The following SIL1 variants were observed in gnomAD, a reference collection of about 807,000 sequenced individuals.
SIL1 encodes the protein SIL1 nucleotide exchange factor, also known as nucleotide exchange factor SIL1.
Under a neutral mutation model 49.1 loss-of-function variants are expected in SIL1, and 40 were observed. The observed-to-expected ratio is 0.81, with a 90% CI of 0.63 to 1.06. SIL1 has a LOEUF of 1.06. Ranked by LOEUF, SIL1 falls within the 50% of genes least tolerant of loss-of-function variation. The probability of loss-of-function intolerance (pLI) is 0.00; values close to 1 mark genes in which losing one functional copy is unlikely to be tolerated. For synonymous variants in SIL1, 253 were observed against 250.8 expected (o/e 1.01, Z -0.08); for missense variants, 500 against 572.6 (o/e 0.87, Z 1.29).
chr5:139,011,098 T>G lies in SIL1; in HGVS notation c.767+10073A>C, dbSNP rs1304674233. ...CTTGCAGTTTGATCTCAGACTGCTG[T>G]GCTAGCAATCAGCGAGATTCCGTGG... On this transcript the variant is annotated intron_variant, in intron 7 of 9. Coordinates refer to ENST00000394817, the MANE Select transcript of SIL1 (RefSeq NM_022464.5). 8.3e-4 allele frequency among the ~76,000 whole-genome samples: 126 copies of G among 151,236 alleles called. 1 individual carries two copies. The highest frequency in any genetic ancestry group is 2.9e-3 in the African/African-American group (120 of 41,200).
chr5:138,995,300 T>C (rs1395804026), intron 7 of SIL1, among the ~76,000 whole-genome samples: 1 of 150,836 alleles, frequency 6.6e-6, no homozygotes, highest in East Asian at 1.9e-4. Context: ...CAGGCTGGAG[T>C]GTAATGGCGT....
intron 1 of SIL1, among the ~76,000 whole-genome samples, chr5:139,161,271 G>A (rs1751508461): frequency 6.6e-6 from 1 of 152,164 alleles, no homozygotes; most frequent in Non-Finnish European, 1.5e-5. Flanking sequence ...AATACCCTCA[G>A]TCAGCCACAA....
chr5:139,079,288 T>G (rs777255935), intron 3 of SIL1, among the ~76,000 whole-genome samples: 7 of 152,108 alleles, frequency 4.6e-5, no homozygotes, highest in Non-Finnish European at 8.8e-5. Flanking sequence ...TCCTGCCAGT[T>G]CCAATTCAGG....
chr5:139,022,511 A>C (rs1768551208), intron 6 of SIL1: 2 of 152,226 alleles, frequency 1.3e-5, no homozygotes, highest in Admixed American at 1.3e-4. Context: ...GATGGTGCTG[A>C]GCATATGGTT....
chr5:139,006,970 A>C (rs1768133682), intron 7 of SIL1, among the ~76,000 whole-genome samples: 1 of 144,696 alleles, frequency 6.9e-6, no homozygotes, highest in South Asian at 2.3e-4. Context: ...TATGAACTTT[A>C]AAGTAGTTTT....
At chr5:139,043,252 C>CA (rs1769084632) in intron 4 of SIL1, among the ~76,000 whole-genome samples, 1 of 152,244 alleles carries the variant, frequency 6.6e-6, no homozygotes, top group Non-Finnish European at 1.5e-5. Flanking sequence ...AGAGGGCTCT[C>CA]AGCCAGCTTC....
intron 7 of SIL1, among the ~76,000 whole-genome samples, chr5:138,972,672 AT>A (rs1767304583): frequency 6.6e-6 from 1 of 152,180 alleles, no homozygotes; most frequent in Non-Finnish European, 1.5e-5. Context: ...AGCTCACACA[AT>A]TTTTCTTGAG....
intron 8 of SIL1, 119 bp from the exon 9 acceptor site, chr5:138,951,454 G>GT: frequency 9.6e-6 from 10 of 1,043,252 alleles, no homozygotes; most frequent in Non-Finnish European, 1.4e-5. Context: ...CCCCACCTCA[G>GT]TTACAGCTAT....
chr5:139,089,111 T>C (rs1232096173), intron 3 of SIL1, among the ~76,000 whole-genome samples: 1 of 152,188 alleles, frequency 6.6e-6, no homozygotes, highest in African/African-American at 2.4e-5. Flanking sequence ...TGGAACACTG[T>C]CTTAGAAAGG....
intron 1 of SIL1, among the ~76,000 whole-genome samples, chr5:139,165,497 T>C (rs1255360265): frequency 1.3e-5 from 2 of 151,974 alleles, no homozygotes; most frequent in African/African-American, 4.8e-5. Flanking sequence ...TACAGGCACA[T>C]GCCACCACAC....
At chr5:138,980,192 T>C (rs1375208458) in intron 7 of SIL1, among the ~76,000 whole-genome samples, 1 of 152,234 alleles carries the variant, frequency 6.6e-6, no homozygotes, top group Admixed American at 6.5e-5. Context: ...TAGGGTTGTT[T>C]CCACATTTTG....
chr5:139,163,075 G>C (rs963564055), intron 1 of SIL1, among the ~76,000 whole-genome samples: 20 of 151,920 alleles, frequency 1.3e-4, no homozygotes, highest in African/African-American at 4.8e-4. Flanking sequence ...CCAGAACACA[G>C]AAGGCAAGCA....
At chr5:139,141,728 T>C (rs1232787528) in intron 1 of SIL1, among the ~76,000 whole-genome samples, 1 of 152,234 alleles carries the variant, frequency 6.6e-6, no homozygotes. Context: ...ATATGTAAAT[T>C]ACTACTTTGG....
intron 1 of SIL1, among the ~76,000 whole-genome samples, chr5:139,171,111 G>A (rs1474163218): frequency 1.8e-3 from 271 of 151,386 alleles, no homozygotes; most frequent in African/African-American, 6.0e-3. Flanking sequence ...CAGCCGCCCC[G>A]TCCGGGAGGT....
chr5:139,095,938 C>T (rs1259062410), intron 3 of SIL1, among the ~76,000 whole-genome samples: 1 of 152,164 alleles, frequency 6.6e-6, no homozygotes, highest in Non-Finnish European at 1.5e-5. Flanking sequence ...TGCAAGGACA[C>T]CAATTTAACA....
At chr5:139,176,735 G>A (rs1245574290) in intron 1 of SIL1, among the ~76,000 whole-genome samples, 1 of 151,890 alleles carries the variant, frequency 6.6e-6, no homozygotes, top group African/African-American at 2.4e-5. Flanking sequence ...TGAGGGTGGA[G>A]CCCTCATGAC....
chr5:139,000,176 G>C (rs1237896511), intron 7 of SIL1, among the ~76,000 whole-genome samples: 2 of 152,078 alleles, frequency 1.3e-5, no homozygotes. Flanking sequence ...TATCATAAAG[G>C]GATGTTAAAT....
intron 3 of SIL1, among the ~76,000 whole-genome samples, chr5:139,105,714 C>T (rs144649532): frequency 0.011 from 1,750 of 152,354 alleles, 30 homozygotes; most frequent in African/African-American, 0.04. Flanking sequence ...ATGGCTGCCC[C>T]GGTAGCAATC....
At chr5:138,983,003 C>A (rs186649129) in intron 7 of SIL1, among the ~76,000 whole-genome samples, 4 of 151,106 alleles carry the variant, frequency 2.6e-5, no homozygotes, top group South Asian at 2.1e-4. Flanking sequence ...TCGAGGCCAG[C>A]CTGGGCAACA....
Sources: allele counts gnomAD v4.1 joint callset (sites outside exome capture counted in the v4.1 genomes callset), GRCh38; gene constraint gnomAD v4.1.1; transcripts MANE v1.5; gene names NCBI Gene and HGNC (gene_info 2026-07-23, HGNC 2026-07-21).